IPO11: variants seen among roughly 807,000 people sequenced by gnomAD.
IPO11 encodes the protein importin 11, also known as importin-11.
A neutral mutation model predicts 143.2 loss-of-function variants in IPO11; 66 were observed. That is an observed-to-expected ratio of 0.46 (90% CI 0.38 to 0.57). The LOEUF (loss-of-function observed/expected upper bound fraction) is 0.57. Ranked by LOEUF, IPO11 falls within the 20% of genes least tolerant of loss-of-function variation. The probability of loss-of-function intolerance (pLI) is 0.00; values close to 1 mark genes in which losing one functional copy is unlikely to be tolerated. For synonymous variants in IPO11, 385 were observed against 377.8 expected, an observed-to-expected ratio of 1.02 and a Z score of -0.22; for missense variants, 1,026 against 1,141.0, an observed-to-expected ratio of 0.90 and a Z score of 1.45.
chr5:62,493,487 A>G (rs916360498), intron 15 of IPO11, among the ~76,000 whole-genome samples: 1 of 152,130 alleles, frequency 6.6e-6, no homozygotes, highest in African/African-American at 2.4e-5. Context: ...ATTTTTAAGT[A>G]CTAAAAGTTT....
rs372867652 is a variant in IPO11, at chr5:62,627,330, A to G, written c.*12A>G. ...TGCAAGGATTCTAAGAGCACATGAC[A>G]TGTGGCTGCCTCCCCTTTCAGAAAC... On this transcript the variant is annotated 3_prime_UTR_variant, in exon 30 of 30. Coordinates refer to ENST00000325324, the MANE Select transcript of IPO11 (RefSeq NM_016338.5). The G allele has an allele frequency of 3.6e-5, 58 of 1,599,940 alleles. No homozygotes were observed. Among genetic ancestry groups the G allele is most frequent in the Non-Finnish European group, 4.9e-5 (57 of 1,169,792 alleles).
intron 13 of IPO11, among the ~76,000 whole-genome samples, chr5:62,488,978 A>G (rs1746510904): frequency 6.6e-6 from 1 of 152,212 alleles, no homozygotes; most frequent in Admixed American, 6.5e-5. Flanking sequence ...ACTGTACTCC[A>G]GCCTGGGTGA....
intron 5 of IPO11, among the ~76,000 whole-genome samples, chr5:62,464,667 A>G (rs1031071454): frequency 2.6e-5 from 4 of 151,284 alleles, no homozygotes; most frequent in Non-Finnish European, 5.9e-5. Context: ...TTTTATAGAG[A>G]CCGTGTTTCG....
intron 19 of IPO11, among the ~76,000 whole-genome samples, chr5:62,513,865 A>G (rs1435284125): frequency 0.038 from 5,454 of 142,372 alleles, 1 homozygote; most frequent in African/African-American, 0.099. Context: ...GGGTCTCCTC[A>G]CTTCTCAGAC....
At chr5:62,579,701 C>A (rs766037655) in intron 27 of IPO11, 5 of 1,548,230 alleles carry the variant, frequency 3.2e-6, no homozygotes, top group Non-Finnish European at 4.4e-6. Flanking sequence ...TCTCTTGTAG[C>A]ATTGTATTTG....
intron 20 of IPO11, among the ~76,000 whole-genome samples, chr5:62,518,085 T>C (rs1169556213): frequency 6.6e-6 from 1 of 150,774 alleles, no homozygotes; most frequent in Non-Finnish European, 1.5e-5. Flanking sequence ...GGATGATCAG[T>C]TGAGGTCAGG....
At chr5:62,431,018 AC>A (rs2112116107) in intron 1 of IPO11, among the ~76,000 whole-genome samples, 2 of 150,710 alleles carry the variant, frequency 1.3e-5, no homozygotes, top group Non-Finnish European at 3.0e-5. Flanking sequence ...CTCCTCTGTC[AC>A]CCAGGCTGCA....
At chr5:62,489,848 A>G (rs996094290) in intron 14 of IPO11, among the ~76,000 whole-genome samples, 1 of 152,238 alleles carries the variant, frequency 6.6e-6, no homozygotes, top group Non-Finnish European at 1.5e-5. Context: ...AGAAGCAGGC[A>G]TTATTTTATA....
At chr5:62,485,362 C>G in intron 11 of IPO11, 57 bp from the exon 12 acceptor site, 2 of 1,352,768 alleles carry the variant, frequency 1.5e-6, no homozygotes, top group Non-Finnish European at 2.1e-6. Context: ...TTATTAAAAT[C>G]TTTGTTTTCT....
intron 2 of IPO11, 21 bp downstream of exon 2, chr5:62,437,438 T>G (rs1744281205): frequency 1.3e-6 from 2 of 1,580,402 alleles, no homozygotes; most frequent in Non-Finnish European, 1.7e-6. Context: ...CTAAAATTGT[T>G]TGCTTTTCTT....
At chr5:62,517,106 G>A (rs1217101266) in intron 20 of IPO11, among the ~76,000 whole-genome samples, 1 of 152,020 alleles carries the variant, frequency 6.6e-6, no homozygotes, top group African/African-American at 2.4e-5. Flanking sequence ...GCTGAGGCAG[G>A]AGAATGGCAT....
intron 2 of IPO11, among the ~76,000 whole-genome samples, chr5:62,438,634 C>T (rs1490414005): frequency 3.3e-5 from 5 of 151,978 alleles, no homozygotes; most frequent in Admixed American, 1.3e-4. Context: ...CGCCTGTAGT[C>T]GCAGCTATTC....
chr5:62,472,437 A>G (rs1309152695), intron 7 of IPO11, among the ~76,000 whole-genome samples: 1 of 152,170 alleles, frequency 6.6e-6, no homozygotes, highest in African/African-American at 2.4e-5. Context: ...TTACTCAGTT[A>G]TAAATGCCTT....
At chr5:62,469,694 A>C (rs139143912) in intron 6 of IPO11, among the ~76,000 whole-genome samples, 1 of 152,206 alleles carries the variant, frequency 6.6e-6, no homozygotes, top group Non-Finnish European at 1.5e-5. Context: ...ACAATAGATC[A>C]AGGATTTAAA....
chr5:62,619,065 T>C (rs548103544), intron 29 of IPO11, among the ~76,000 whole-genome samples: 163 of 151,944 alleles, frequency 1.1e-3, no homozygotes, highest in African/African-American at 3.8e-3. Flanking sequence ...ACCCCATCTC[T>C]ACAAAAAATT....
chr5:62,625,083 G>GTTCTATA (rs1367599033), intron 29 of IPO11, among the ~76,000 whole-genome samples: 1 of 151,602 alleles, frequency 6.6e-6, no homozygotes, highest in African/African-American at 2.4e-5. Flanking sequence ...TGGGCATATA[G>GTTCTATA]GCTTAAAAAG....
intron 7 of IPO11, among the ~76,000 whole-genome samples, chr5:62,470,816 C>CCTTT (rs1745742053): frequency 4.8e-5 from 3 of 62,560 alleles, no homozygotes; most frequent in African/African-American, 2.0e-4. Flanking sequence ...TAGCCATCTT[C>CCTTT]TTTTTTTTTT....
chr5:62,599,032 G>C (rs1348173919), intron 28 of IPO11, among the ~76,000 whole-genome samples: 2 of 152,168 alleles, frequency 1.3e-5, no homozygotes, highest in Admixed American at 6.5e-5. Context: ...AACAACATTA[G>C]CATCAACATG....
At chr5:62,616,037 G>A (rs1746117512) in intron 29 of IPO11, among the ~76,000 whole-genome samples, 2 of 135,624 alleles carry the variant, frequency 1.5e-5, no homozygotes, top group African/African-American at 5.3e-5. Context: ...CATTAAAAGT[G>A]GAAGATGGGG....
Sources: allele counts gnomAD v4.1 joint callset (sites outside exome capture counted in the v4.1 genomes callset), GRCh38; gene constraint gnomAD v4.1.1; transcripts MANE v1.5; gene names NCBI Gene and HGNC (gene_info 2026-07-23, HGNC 2026-07-21).